PARD3B: variants seen among roughly 807,000 people sequenced by gnomAD.
The protein encoded by PARD3B is par-3 family cell polarity regulator beta.
A neutral mutation model predicts 130.2 loss-of-function variants in PARD3B; 103 were observed. That is an observed-to-expected ratio of 0.79 (90% CI 0.67 to 0.93). The LOEUF (loss-of-function observed/expected upper bound fraction) is 0.93, where lower values mean the gene tolerates loss of function less well. PARD3B is among the 40% of genes least tolerant of loss of function. The probability of loss-of-function intolerance (pLI) is 0.00; values close to 1 mark genes in which losing one functional copy is unlikely to be tolerated. For synonymous variants in PARD3B, 583 were observed against 553.2 expected (o/e 1.05, Z -0.76); for missense variants, 1,609 against 1,499.2 (o/e 1.07, Z -1.21).
intron 21 of PARD3B, among the ~76,000 whole-genome samples, chr2:205,552,669 C>T (rs758456949): frequency 1.3e-5 from 2 of 152,014 alleles, no homozygotes; most frequent in East Asian, 1.9e-4. Context: ...TCTTGACCTC[C>T]GAACAAAGTG....
chr2:204,934,378 G>A (rs533541238), intron 2 of PARD3B, among the ~76,000 whole-genome samples: 3 of 152,226 alleles, frequency 2.0e-5, no homozygotes, highest in Non-Finnish European at 4.4e-5. Context: ...TGCTAGTTTC[G>A]GGGGGAACAC....
Position 205,121,930 on chromosome 2 carries a change from T to C in PARD3B, c.1146T>C (p.Ile382=). The change falls in exon 8 of 23, where the codon ATT becomes ATC. Residue 382 remains isoleucine (I), a synonymous_variant. Coordinates refer to ENST00000406610, the MANE Select transcript of PARD3B (RefSeq NM_001302769.2). This position sits in a 1 kb window ranked among gnomAD's most constrained non-coding sequence, Gnocchi z 5.0. ...GFGSNKNAKK[I]KIDLKKGPEG... ...GCAGCAATAAAAATGCAAAGAAAAT[T>C]AAGATTGACCTAAAGAAAGGTAATT... The C allele has an allele frequency of 6.2e-7, 1 of 1,608,558 alleles. No individual in the cohort carries two copies. The highest frequency in any genetic ancestry group is 1.3e-5 in the African/African-American group (1 of 74,822).
In PARD3B at chr2:205,107,726, C is replaced by T. The variant is rs550729128; in HGVS notation, c.593+3212C>T. ...CTGTTAACTGCTCACCCATTATTAA[C>T]GCAAACATCTTTATTTAAAATAACA... On this transcript the variant is annotated intron_variant, in intron 5 of 22. Transcript: ENST00000406610. 1.2e-4 allele frequency among the ~76,000 whole-genome samples: 19 copies of T among 152,290 alleles called. No individual in the cohort carries two copies. In the East Asian group the frequency reaches 2.9e-3, roughly 23 times the overall value.
At position 204,669,675 on chromosome 2, in the gene PARD3B, A is replaced by C. The variant is rs1386534532; in HGVS notation, c.121-16506A>C. Among the ~76,000 whole-genome samples, 1 of 152,172 alleles carries C rather than the reference A, an allele frequency of 6.6e-6. No homozygotes were observed. The highest frequency in any genetic ancestry group is 2.1e-4 in the South Asian group (1 of 4,834). On this transcript the variant is annotated intron_variant, in intron 1 of 22. Coordinates refer to ENST00000406610, the MANE Select transcript of PARD3B (RefSeq NM_001302769.2). The surrounding 1 kb of genome is among the most constrained non-coding windows in gnomAD (Gnocchi z 4.3). ...ATTGGTTTTCAACTTTTGGAATCAA[A>C]TTATAGAGAAAGTATGGTTATCATT... is the stretch of plus-strand genomic sequence containing the variant.
chr2:205,119,609 T>A (rs1328494544), intron 7 of PARD3B, among the ~76,000 whole-genome samples: 2 of 152,014 alleles, frequency 1.3e-5, no homozygotes, highest in East Asian at 3.9e-4. Flanking sequence ...TGAAACCCCA[T>A]CTCTACTAAA....
intron 19 of PARD3B, among the ~76,000 whole-genome samples, chr2:205,413,241 C>T (rs2046660595): frequency 6.6e-6 from 1 of 152,154 alleles, no homozygotes; most frequent in South Asian, 2.1e-4. Context: ...GTACCTAGAA[C>T]TGTGCTTGGC....
chr2:205,497,116 T>C (rs1350840185), intron 20 of PARD3B, among the ~76,000 whole-genome samples: 1 of 151,528 alleles, frequency 6.6e-6, no homozygotes, highest in Admixed American at 6.6e-5. Context: ...GTTCTTACTA[T>C]CTTTTTCAAG....
At chr2:205,430,630 G>A (rs909701453) in intron 19 of PARD3B, among the ~76,000 whole-genome samples, 3 of 152,102 alleles carry the variant, frequency 2.0e-5, no homozygotes, top group African/African-American at 7.2e-5. Context: ...AAGATATTTG[G>A]GGGGATGGAG....
At chr2:205,586,843 G>A (rs1266724579) in intron 22 of PARD3B, among the ~76,000 whole-genome samples, 1 of 151,978 alleles carries the variant, frequency 6.6e-6, no homozygotes, top group African/African-American at 2.4e-5. Flanking sequence ...TTCAGTCTGG[G>A]GCCAAACATC....
At position 204,924,002 on chromosome 2, in the gene PARD3B, G is replaced by A. The variant is rs567202650; in HGVS notation, c.223-41150G>A. On this transcript the variant is annotated intron_variant, in intron 2 of 22. Coordinates refer to ENST00000406610, the MANE Select transcript of PARD3B (RefSeq NM_001302769.2). ...CTTAGTGATATAGTATTTGATGCATGATATTTCAGGAAATATTTTATTAAA... is the reference window on the plus strand; with the variant it reads ...CTTAGTGATATAGTATTTGATGCATAATATTTCAGGAAATATTTTATTAAA... Among the ~76,000 whole-genome samples the A allele has an allele frequency of 2.0e-5, 3 of 152,128 alleles. No homozygotes were observed. The East Asian group carries it at 5.8e-4, about 29-fold the overall frequency.
intron 15 of PARD3B, among the ~76,000 whole-genome samples, chr2:205,222,899 G>A (rs987164660): frequency 6.6e-6 from 1 of 150,742 alleles, no homozygotes; most frequent in African/African-American, 2.4e-5. Flanking sequence ...TCATAGTATC[G>A]TTGTAAACTG....
intron 2 of PARD3B, among the ~76,000 whole-genome samples, chr2:204,702,243 C>A (rs2037929497): frequency 6.6e-6 from 1 of 151,970 alleles, no homozygotes; most frequent in Non-Finnish European, 1.5e-5. Flanking sequence ...GATTTGTTTT[C>A]TTTTGGCTAT....
chr2:204,549,069 G>A, intron 1 of PARD3B, among the ~76,000 whole-genome samples: 1 of 152,184 alleles, frequency 6.6e-6, no homozygotes. Flanking sequence ...TACCTGTTGA[G>A]AACAAAGAAA....
rs1337019250 is a variant in PARD3B at position 204,619,671 on chromosome 2, C to T, written c.121-66510C>T. 2.6e-5 allele frequency among the ~76,000 whole-genome samples: 4 copies of T among 152,054 alleles called. No homozygotes were observed. In the South Asian group the frequency reaches 6.2e-4, roughly 24 times the overall value. ...ACTTCTGGGTGTCCATTTCTAAGACCACGTGAACCGATCTTGTTACCACAC... is the reference window on the plus strand; with the variant it reads ...ACTTCTGGGTGTCCATTTCTAAGACTACGTGAACCGATCTTGTTACCACAC... On this transcript the variant is annotated intron_variant, in intron 1 of 22. Coordinates refer to ENST00000406610, the MANE Select transcript of PARD3B (RefSeq NM_001302769.2).
chr2:204,707,667 A>G (rs929483729), intron 2 of PARD3B, among the ~76,000 whole-genome samples: 2 of 152,164 alleles, frequency 1.3e-5, no homozygotes, highest in African/African-American at 4.8e-5. Context: ...CAGGATTGCA[A>G]TAAGCCCTTT....
At chr2:205,420,784 C>T (rs2046941298) in intron 19 of PARD3B, among the ~76,000 whole-genome samples, 1 of 152,124 alleles carries the variant, frequency 6.6e-6, no homozygotes, top group Non-Finnish European at 1.5e-5. Context: ...GCAAGCAGGT[C>T]ACCGTAAATT....
At chr2:205,598,953 A>G (rs960610722) in intron 22 of PARD3B, among the ~76,000 whole-genome samples, 8 of 152,244 alleles carry the variant, frequency 5.3e-5, no homozygotes, top group East Asian at 1.9e-4. Context: ...AATCTTTGAG[A>G]TAAAGCTAAA....
intron 1 of PARD3B, among the ~76,000 whole-genome samples, chr2:204,674,699 C>G (rs2036454042): frequency 6.6e-6 from 1 of 152,100 alleles, no homozygotes; most frequent in Non-Finnish European, 1.5e-5. Flanking sequence ...TTTGATTGAT[C>G]CATAAAACTG....
intron 19 of PARD3B, among the ~76,000 whole-genome samples, chr2:205,414,778 C>T (rs1451620221): frequency 6.6e-6 from 1 of 152,006 alleles, no homozygotes; most frequent in African/African-American, 2.4e-5. Context: ...AAATGTTTCA[C>T]AGTCTCTAAT....
Sources: allele counts gnomAD v4.1 joint callset (sites outside exome capture counted in the v4.1 genomes callset), GRCh38; gene constraint gnomAD v4.1.1; non-coding constraint Gnocchi (gnomAD v3.1); transcripts MANE v1.5; gene names NCBI Gene and HGNC (gene_info 2026-07-23, HGNC 2026-07-21).